The following PRKN variants were observed in gnomAD, a reference collection of about 807,000 sequenced individuals.
The protein encoded by PRKN is parkin RBR E3 ubiquitin protein ligase.
A neutral mutation model predicts 59.5 loss-of-function variants in PRKN; 56 were observed. The observed-to-expected ratio is 0.94, with a 90% CI of 0.76 to 1.18. The LOEUF (loss-of-function observed/expected upper bound fraction) is 1.18. Among genes scored for constraint, PRKN ranks in the 50% most tolerant of loss-of-function variants. PRKN has a pLI of 0.00. For missense variants in PRKN, 657 were observed against 596.4 expected, an observed-to-expected ratio of 1.10 and a Z score of -1.06; for synonymous variants, 250 against 222.1, an observed-to-expected ratio of 1.13 and a Z score of -1.12.
intron 2 of PRKN, among the ~76,000 whole-genome samples, chr6:162,304,048 ATATC>A (rs1212594057): frequency 6.6e-6 from 1 of 151,258 alleles, no homozygotes; most frequent in Non-Finnish European, 1.5e-5. Context: ...AAACCTAATT[ATATC>A]TCAAATGGAT....
At chr6:161,766,688 G>C (rs1236798636) in intron 7 of PRKN, among the ~76,000 whole-genome samples, 1 of 152,158 alleles carries the variant, frequency 6.6e-6, no homozygotes, top group Non-Finnish European at 1.5e-5. Context: ...GTCTTGCAGA[G>C]CCATTAGGAG....
intron 8 of PRKN, among the ~76,000 whole-genome samples, chr6:161,557,829 A>G (rs1387220080): frequency 1.3e-5 from 2 of 152,070 alleles, no homozygotes; most frequent in African/African-American, 2.4e-5. Flanking sequence ...CAAGCTAAGG[A>G]GGTTGATTTT....
chr6:161,756,445 A>G (rs941775477), intron 7 of PRKN, among the ~76,000 whole-genome samples: 56,243 of 78,894 alleles, frequency 0.71, 21,650 homozygotes, highest in East Asian at 0.86. Flanking sequence ...TTGTCTCGAA[A>G]AAAAAAAAAA....
At chr6:161,590,010 A>G (rs1184049137) in intron 7 of PRKN, among the ~76,000 whole-genome samples, 1 of 150,692 alleles carries the variant, frequency 6.6e-6, no homozygotes, top group Non-Finnish European at 1.5e-5. Context: ...GCTCGTTTTG[A>G]ACTCCTGACC....
At chr6:161,970,662 C>T (rs1320627313) in intron 6 of PRKN, among the ~76,000 whole-genome samples, 3 of 151,782 alleles carry the variant, frequency 2.0e-5, no homozygotes, top group Admixed American at 6.6e-5. Flanking sequence ...CTCAGCCTCC[C>T]GAGTAGCTGG....
chr6:162,545,906 T>C (rs1010276830), intron 1 of PRKN, among the ~76,000 whole-genome samples: 8 of 152,134 alleles, frequency 5.3e-5, no homozygotes, highest in Non-Finnish European at 1.2e-4. Flanking sequence ...ATTTAGGATA[T>C]GTAACAGGTG....
At chr6:161,505,322 T>A (rs1201798416) in intron 9 of PRKN, among the ~76,000 whole-genome samples, 1 of 151,570 alleles carries the variant, frequency 6.6e-6, no homozygotes, top group Non-Finnish European at 1.5e-5. Context: ...ATAAATGTCT[T>A]CTTTTGAGAA....
intron 1 of PRKN, among the ~76,000 whole-genome samples, chr6:162,468,879 T>C (rs1791570063): frequency 6.6e-6 from 1 of 152,216 alleles, no homozygotes; most frequent in Non-Finnish European, 1.5e-5. Flanking sequence ...CAAAATCATA[T>C]GAGAATTTTA....
chr6:161,558,090 A>C (rs532397766), intron 8 of PRKN, among the ~76,000 whole-genome samples: 89 of 152,248 alleles, frequency 5.8e-4, no homozygotes, highest in Non-Finnish European at 1.0e-3. Context: ...TGCTCGGTTA[A>C]TTCTCTGTCC....
intron 1 of PRKN, among the ~76,000 whole-genome samples, chr6:162,554,739 T>A (rs1779488123): frequency 6.6e-6 from 1 of 152,130 alleles, no homozygotes; most frequent in Non-Finnish European, 1.5e-5. Context: ...TCTCATGGCC[T>A]TGCCGGAGCC....
At chr6:162,407,862 G>GT (rs1357471690) in intron 2 of PRKN, among the ~76,000 whole-genome samples, 1 of 151,954 alleles carries the variant, frequency 6.6e-6, no homozygotes, top group East Asian at 1.9e-4. Flanking sequence ...CTAGAGAAAT[G>GT]TAACTTGGTT....
At chr6:162,281,027 A>C (rs980804350) in intron 2 of PRKN, among the ~76,000 whole-genome samples, 1 of 152,118 alleles carries the variant, frequency 6.6e-6, no homozygotes, top group African/African-American at 2.4e-5. Context: ...CCAACACAGG[A>C]ACAGAAAAAA....
At chr6:162,358,914 G>T (rs925872526) in intron 2 of PRKN, among the ~76,000 whole-genome samples, 3 of 151,588 alleles carry the variant, frequency 2.0e-5, no homozygotes, top group African/African-American at 7.3e-5. Flanking sequence ...AAAAAAATTA[G>T]CTGGGTGTGG....
chr6:162,363,413 G>A (rs553825560), intron 2 of PRKN, among the ~76,000 whole-genome samples: 29 of 152,196 alleles, frequency 1.9e-4, no homozygotes, highest in African/African-American at 6.5e-4. Context: ...ATATGCCATC[G>A]AGGTACCTGT....
chr6:161,897,257 C>T (rs1339878520), intron 6 of PRKN, among the ~76,000 whole-genome samples: 2 of 152,170 alleles, frequency 1.3e-5, no homozygotes, highest in African/African-American at 4.8e-5. Context: ...TTTAATTTAG[C>T]AGTGAAGAAT....
At chr6:161,490,980 C>A (rs1777533566) in intron 9 of PRKN, among the ~76,000 whole-genome samples, 1 of 152,146 alleles carries the variant, frequency 6.6e-6, no homozygotes, top group Admixed American at 6.5e-5. Flanking sequence ...TTCCTGTGGC[C>A]TCTCCAGAAG....
At chr6:162,685,358 G>A (rs1779930538) in intron 1 of PRKN, among the ~76,000 whole-genome samples, 1 of 152,014 alleles carries the variant, frequency 6.6e-6, no homozygotes, top group African/African-American at 2.4e-5. Context: ...CCATTGAGTA[G>A]AACTGTGCTA....
At chr6:162,568,479 G>A (rs902308520) in intron 1 of PRKN, 24 of 653,366 alleles carry the variant, frequency 3.7e-5, no homozygotes, top group Non-Finnish European at 5.3e-5. Context: ...TGGGGCCGGC[G>A]GCATGGGAGG....
chr6:162,433,161 A>G (rs905956120), intron 2 of PRKN, among the ~76,000 whole-genome samples: 16 of 152,234 alleles, frequency 1.1e-4, no homozygotes, highest in African/African-American at 3.9e-4. Context: ...TCATCAAATT[A>G]AACTAATAAC....
Sources: gnomAD v4.1 joint callset for allele counts (sites outside exome capture counted in the v4.1 genomes callset) on GRCh38, gnomAD v4.1.1 for gene constraint, MANE v1.5 for transcripts, NCBI Gene and HGNC (gene_info 2026-07-23, HGNC 2026-07-21) for gene names.